SPATA17: variants seen among roughly 807,000 people sequenced by gnomAD.
The protein encoded by SPATA17 is spermatogenesis associated 17.
Under a neutral mutation model 62.2 loss-of-function variants are expected in SPATA17, and 53 were observed. That is an observed-to-expected ratio of 0.85 (90% CI 0.68 to 1.07). The LOEUF is 1.07. Among genes scored for constraint, SPATA17 ranks in the 50% least tolerant of loss-of-function variants. SPATA17 has a pLI of 0.00. For synonymous variants in SPATA17, 146 were observed against 146.8 expected, an observed-to-expected ratio of 0.99 and a Z score of 0.04; for missense variants, 466 against 425.5, an observed-to-expected ratio of 1.10 and a Z score of -0.84.
intron 3 of SPATA17, among the ~76,000 whole-genome samples, chr1:217,663,627 G>C (rs1210108872): frequency 1.3e-5 from 2 of 152,092 alleles, no homozygotes; most frequent in African/African-American, 4.8e-5. Flanking sequence ...AGGCTCATCA[G>C]ATCTGTTATC....
At chr1:217,828,021 C>T (rs7546503) in intron 9 of SPATA17, among the ~76,000 whole-genome samples, 120,893 of 152,042 alleles carry the variant, frequency 0.8, 48,518 homozygotes, top group Admixed American at 0.83. Context: ...ATTTGGCACA[C>T]GTACCTGGGA....
intron 6 of SPATA17, among the ~76,000 whole-genome samples, chr1:217,752,489 CTT>C (rs1183702720): frequency 6.6e-6 from 1 of 152,132 alleles, no homozygotes; most frequent in Non-Finnish European, 1.5e-5. Flanking sequence ...ACTTCATACT[CTT>C]TGATTGCTTC....
At chr1:217,701,360 C>T (rs1571741877) in intron 5 of SPATA17, among the ~76,000 whole-genome samples, 1 of 150,872 alleles carries the variant, frequency 6.6e-6, no homozygotes, top group Admixed American at 6.6e-5. Flanking sequence ...TATATATATA[C>T]ATTTTTATTA....
chr1:217,632,458 T>C (rs180867213), intron 1 of SPATA17, among the ~76,000 whole-genome samples: 1 of 152,260 alleles, frequency 6.6e-6, no homozygotes, highest in East Asian at 1.9e-4. Flanking sequence ...ATGGAAAATA[T>C]GTCAATGAGA....
At chr1:217,787,509 A>T (rs1418431329) in intron 8 of SPATA17, among the ~76,000 whole-genome samples, 9 of 152,082 alleles carry the variant, frequency 5.9e-5, no homozygotes, top group Admixed American at 2.0e-4. Context: ...TCTGTTAAAA[A>T]TTTTCTACTT....
chr1:217,638,799 A>G (rs1482371811), intron 1 of SPATA17, among the ~76,000 whole-genome samples: 2 of 152,298 alleles, frequency 1.3e-5, no homozygotes, highest in East Asian at 1.9e-4. Context: ...TACTGTAACC[A>G]ATTTTTAAAA....
chr1:217,831,527 G>A (rs1431431129), intron 9 of SPATA17, among the ~76,000 whole-genome samples: 1 of 152,016 alleles, frequency 6.6e-6, no homozygotes, highest in Non-Finnish European at 1.5e-5. Flanking sequence ...TCTTGCTCAA[G>A]CTATATATGA....
intron 4 of SPATA17, among the ~76,000 whole-genome samples, chr1:217,681,321 T>C (rs1447691116): frequency 5.3e-5 from 8 of 152,178 alleles, no homozygotes; most frequent in African/African-American, 1.7e-4. Flanking sequence ...GTTAGTTTAG[T>C]AATTCTCATA....
At chr1:217,785,451 A>G (rs1225482664) in intron 8 of SPATA17, among the ~76,000 whole-genome samples, 1 of 152,086 alleles carries the variant, frequency 6.6e-6, no homozygotes, top group African/African-American at 2.4e-5. Flanking sequence ...GTGGCAGGAG[A>G]CAGAGAGCAA....
chr1:217,659,590 A>T (rs537213785), intron 3 of SPATA17, among the ~76,000 whole-genome samples: 8 of 152,250 alleles, frequency 5.3e-5, no homozygotes, highest in African/African-American at 1.9e-4. Flanking sequence ...GTACTCAGGG[A>T]GACTAAATGA....
chr1:217,728,600 C>T (rs759422058), intron 5 of SPATA17, among the ~76,000 whole-genome samples: 7 of 151,792 alleles, frequency 4.6e-5, no homozygotes, highest in Non-Finnish European at 8.8e-5. Flanking sequence ...TTCCACAGGA[C>T]GATTTTTGTT....
At chr1:217,705,631 G>A (rs912544161) in intron 5 of SPATA17, among the ~76,000 whole-genome samples, 3 of 151,584 alleles carry the variant, frequency 2.0e-5, no homozygotes, top group African/African-American at 7.3e-5. Flanking sequence ...AGGAGAGATG[G>A]GGTTTCACCA....
At chr1:217,693,006 A>T (rs1671376617) in intron 5 of SPATA17, among the ~76,000 whole-genome samples, 1 of 37,720 alleles carries the variant, frequency 2.7e-5, no homozygotes, top group Non-Finnish European at 4.8e-5. Context: ...CTGGCCTCAT[A>T]AAATGAGTTA....
intron 5 of SPATA17, among the ~76,000 whole-genome samples, chr1:217,700,073 T>C (rs1402420826): frequency 6.6e-6 from 1 of 152,198 alleles, no homozygotes; most frequent in Non-Finnish European, 1.5e-5. Context: ...AACTATATAA[T>C]AAACCTTAAC....
intron 5 of SPATA17, among the ~76,000 whole-genome samples, chr1:217,725,232 A>G (rs1672233878): frequency 6.6e-6 from 1 of 152,206 alleles, no homozygotes. Flanking sequence ...TGTAAGTGCC[A>G]TCTTATCATA....
At chr1:217,666,792 T>A (rs114814444) in intron 3 of SPATA17, among the ~76,000 whole-genome samples, 3 of 152,134 alleles carry the variant, frequency 2.0e-5, no homozygotes, top group East Asian at 1.9e-4. Flanking sequence ...TAGTACCTCA[T>A]GTAAGTGGAA....
intron 6 of SPATA17, among the ~76,000 whole-genome samples, chr1:217,767,635 C>G (rs1673331489): frequency 6.6e-6 from 1 of 152,132 alleles, no homozygotes; most frequent in African/African-American, 2.4e-5. Flanking sequence ...TTCCTTCAAC[C>G]ATGTCCAATC....
chr1:217,722,484 G>A (rs572599848), intron 5 of SPATA17, among the ~76,000 whole-genome samples: 1 of 151,754 alleles, frequency 6.6e-6, no homozygotes, highest in African/African-American at 2.4e-5. Flanking sequence ...AATACAAATA[G>A]CAAACATTTT....
intron 5 of SPATA17, among the ~76,000 whole-genome samples, chr1:217,689,600 C>A (rs2102910903): frequency 6.6e-6 from 1 of 152,260 alleles, no homozygotes; most frequent in Admixed American, 6.5e-5. Flanking sequence ...TCTCAAAAAT[C>A]TCTGACTTTC....
Sources: allele counts gnomAD v4.1 joint callset (sites outside exome capture counted in the v4.1 genomes callset), GRCh38; gene constraint gnomAD v4.1.1; transcripts MANE v1.5; gene names NCBI Gene and HGNC (gene_info 2026-07-23, HGNC 2026-07-21).